The following ARHGAP26 variants were observed in gnomAD, a reference collection of about 807,000 sequenced individuals.
ARHGAP26 encodes Rho GTPase activating protein 26, also known as rho GTPase-activating protein 26.
A neutral mutation model predicts 104.8 loss-of-function variants in ARHGAP26; 38 were observed. The ratio of observed to expected loss-of-function variants is 0.36; its 90% confidence interval spans 0.28 to 0.48. ARHGAP26 has a LOEUF of 0.48. ARHGAP26 is among the 20% of genes least tolerant of loss of function. The pLI is 0.99. For synonymous variants in ARHGAP26, 341 were observed against 340.0 expected (o/e 1.00, Z -0.03); for missense variants, 704 against 947.9 (o/e 0.74, Z 3.38).
At chr5:143,048,867 C>T (rs1321351920) in intron 14 of ARHGAP26, among the ~76,000 whole-genome samples, 2 of 145,874 alleles carry the variant, frequency 1.4e-5, no homozygotes, top group East Asian at 2.0e-4. Flanking sequence ...TGAGCTGAGT[C>T]GTGCCATTGC....
At chr5:143,179,548 TC>T (rs1252107126) in intron 20 of ARHGAP26, among the ~76,000 whole-genome samples, 1 of 152,184 alleles carries the variant, frequency 6.6e-6, no homozygotes, top group East Asian at 1.9e-4. Context: ...CCCTGGGGCA[TC>T]TTCCCCACAC....
intron 17 of ARHGAP26, among the ~76,000 whole-genome samples, chr5:143,080,203 A>G (rs1332784505): frequency 6.6e-6 from 1 of 152,230 alleles, no homozygotes; most frequent in Non-Finnish European, 1.5e-5. Flanking sequence ...GCATGGGGAT[A>G]TAGCAGTGCC....
At chr5:143,136,629 C>T (rs1306024368) in intron 19 of ARHGAP26, among the ~76,000 whole-genome samples, 3 of 152,044 alleles carry the variant, frequency 2.0e-5, no homozygotes, top group Non-Finnish European at 2.9e-5. Context: ...TGTGGGGGGG[C>T]AGTGGGAGAG....
chr5:143,166,211 A>C, intron 20 of ARHGAP26: 4 of 703,096 alleles, frequency 5.7e-6, no homozygotes, highest in Non-Finnish European at 7.7e-6. Context: ...CAGTGAACAC[A>C]AAAGCTCTCT....
chr5:142,840,586 G>C (rs1417542268), intron 1 of ARHGAP26, among the ~76,000 whole-genome samples: 1 of 152,188 alleles, frequency 6.6e-6, no homozygotes, highest in African/African-American at 2.4e-5. Flanking sequence ...GTGCTTCTAA[G>C]GTTCCTAGGT....
intron 20 of ARHGAP26, among the ~76,000 whole-genome samples, chr5:143,166,670 C>T (rs920814706): frequency 6.6e-6 from 1 of 152,192 alleles, no homozygotes; most frequent in African/African-American, 2.4e-5. Context: ...AATTCTCTGC[C>T]ATCCAGCCCT....
At chr5:143,150,267 C>T (rs1220217923) in intron 20 of ARHGAP26, among the ~76,000 whole-genome samples, 2 of 152,210 alleles carry the variant, frequency 1.3e-5, no homozygotes, top group Non-Finnish European at 2.9e-5. Context: ...CAGACCCATG[C>T]ATGCCAAGCT....
intron 1 of ARHGAP26, among the ~76,000 whole-genome samples, chr5:142,775,497 G>A (rs140453479): frequency 6.6e-5 from 10 of 152,200 alleles, no homozygotes; most frequent in African/African-American, 1.9e-4. Context: ...ATAACACAAC[G>A]GTTACCACTT....
chr5:143,190,320 G>C (rs555377290), intron 20 of ARHGAP26, among the ~76,000 whole-genome samples: 3 of 152,222 alleles, frequency 2.0e-5, no homozygotes, highest in African/African-American at 7.2e-5. Flanking sequence ...AAGTAAAAAT[G>C]CTTCAGTAGA....
rs949808834 is a variant in ARHGAP26, at chr5:143,226,248, G to A, written c.*3802G>A. 2.8e-5 allele frequency: 5 copies of A among 177,638 alleles called. No homozygotes were observed. Among genetic ancestry groups the A allele is most frequent in the East Asian group, 9.5e-5 (1 of 10,540 alleles). 11.0% of individuals were successfully genotyped at this position (177,638 alleles called of 1,614,324 possible). A position where few individuals can be genotyped will look rare whatever the true frequency, so the allele number is the denominator to read the frequency against. On this transcript the variant is annotated 3_prime_UTR_variant, in exon 23 of 23. Coordinates refer to ENST00000645722, the MANE Select transcript of ARHGAP26 (RefSeq NM_001135608.3). The stretch of plus-strand genomic sequence containing the variant: ...TATAATCCCAGCACTTTGGGAGGCC[G>A]AGGCGGGCGGATCACGAGGTCAGGA...
Position 142,933,184 on chromosome 5 carries a change from A to G in ARHGAP26, c.1107+1059A>G, listed in dbSNP as rs1038871394. On this transcript the variant is annotated intron_variant, in intron 11 of 22. Transcript: ENST00000645722. The stretch of plus-strand genomic sequence containing the variant: ...CTACCTTTGAGGCTTTATGGGCACA[A>G]TAGCTATTTGATGTCAAAGGCCTTT... Among the ~76,000 whole-genome samples the G allele has an allele frequency of 3.4e-4, 52 of 152,330 alleles. 1 individual carries two copies. Among genetic ancestry groups the G allele is most frequent in the African/African-American group, 1.1e-3 (47 of 41,586 alleles).
chr5:142,818,676 G>T (rs1385778113), intron 1 of ARHGAP26, among the ~76,000 whole-genome samples: 2 of 152,140 alleles, frequency 1.3e-5, no homozygotes, highest in Non-Finnish European at 2.9e-5. Flanking sequence ...CCTTCATGGG[G>T]CTCTCAAGAA....
chr5:143,108,502 T>G (rs958398158), intron 17 of ARHGAP26, among the ~76,000 whole-genome samples: 1 of 152,202 alleles, frequency 6.6e-6, no homozygotes, highest in Non-Finnish European at 1.5e-5. Context: ...ACAGGACATA[T>G]AGGTTTGTCA....
intron 19 of ARHGAP26, among the ~76,000 whole-genome samples, chr5:143,138,823 G>T (rs1314738317): frequency 6.6e-6 from 1 of 152,162 alleles, no homozygotes; most frequent in Non-Finnish European, 1.5e-5. Context: ...CACAGGTACT[G>T]TCCCTGTTTT....
At chr5:142,780,085 G>A (rs1029064202) in intron 1 of ARHGAP26, among the ~76,000 whole-genome samples, 3 of 152,142 alleles carry the variant, frequency 2.0e-5, no homozygotes, top group Non-Finnish European at 4.4e-5. Flanking sequence ...TGTAATTTAT[G>A]CATGTGCCAA....
intron 8 of ARHGAP26, among the ~76,000 whole-genome samples, chr5:142,904,218 C>T (rs934416882): frequency 4.3e-4 from 65 of 151,844 alleles, no homozygotes; most frequent in African/African-American, 1.5e-3. Flanking sequence ...AGGCTGCATG[C>T]GGTGGCTCAC....
At chr5:142,997,296 G>A (rs774500337) in intron 11 of ARHGAP26, among the ~76,000 whole-genome samples, 1 of 152,140 alleles carries the variant, frequency 6.6e-6, no homozygotes, top group Non-Finnish European at 1.5e-5. Context: ...GGGTAGAGTG[G>A]TGAAACATTT....
At chr5:142,851,508 T>A (rs1369812469) in intron 1 of ARHGAP26, among the ~76,000 whole-genome samples, 1 of 152,236 alleles carries the variant, frequency 6.6e-6, no homozygotes, top group Non-Finnish European at 1.5e-5. Context: ...TCAGTTCAGT[T>A]GTTTTATTAT....
chr5:143,056,166 A>G, intron 16 of ARHGAP26, 80 bp downstream of exon 16: 1 of 1,168,378 alleles, frequency 8.6e-7, no homozygotes, highest in Non-Finnish European at 1.3e-6. Context: ...CCCAAAATAA[A>G]TATTACCTAA....
Sources: gnomAD v4.1 joint callset for allele counts (sites outside exome capture counted in the v4.1 genomes callset) on GRCh38, gnomAD v4.1.1 for gene constraint, MANE v1.5 for transcripts, NCBI Gene and HGNC (gene_info 2026-07-23, HGNC 2026-07-21) for gene names.